The following SLC25A21 variants were observed in gnomAD, a reference collection of about 807,000 sequenced individuals.
SLC25A21 encodes the protein solute carrier family 25 member 21, also known as mitochondrial 2-oxodicarboxylate carrier.
A neutral mutation model predicts 43.8 loss-of-function variants in SLC25A21; 47 were observed. That is an observed-to-expected ratio of 1.07 (90% CI 0.85 to 1.37). SLC25A21 has a LOEUF of 1.37. Among genes scored for constraint, SLC25A21 ranks in the 40% most tolerant of loss-of-function variants. The pLI is 0.00. For synonymous variants in SLC25A21, 131 were observed against 121.3 expected (o/e 1.08, Z -0.52); for missense variants, 352 against 350.2 (o/e 1.00, Z -0.04).
At chr14:36,762,127 T>C (rs1886180335) in intron 3 of SLC25A21, among the ~76,000 whole-genome samples, 1 of 152,218 alleles carries the variant, frequency 6.6e-6, no homozygotes, top group African/African-American at 2.4e-5. Context: ...TAGCCAGACC[T>C]CTTATGGAAG....
At chr14:36,852,408 C>A (rs1411689498) in intron 2 of SLC25A21, among the ~76,000 whole-genome samples, 1 of 152,102 alleles carries the variant, frequency 6.6e-6, no homozygotes, top group African/African-American at 2.4e-5. Context: ...TGTCCTGTGC[C>A]CTGTTCACAC....
At chr14:37,087,026 A>T (rs1782909285) in intron 1 of SLC25A21, among the ~76,000 whole-genome samples, 1 of 152,212 alleles carries the variant, frequency 6.6e-6, no homozygotes, top group Non-Finnish European at 1.5e-5. Context: ...TTGTTTTCTT[A>T]TACTGTTGTA....
chr14:36,732,254 A>G (rs1384020646), intron 4 of SLC25A21, among the ~76,000 whole-genome samples: 1 of 151,820 alleles, frequency 6.6e-6, no homozygotes, highest in Non-Finnish European at 1.5e-5. Flanking sequence ...TATGATTGGT[A>G]TAGGTATACT....
chr14:36,973,015 ATTTATTTATTTTATTTTAT>A (rs969371310), intron 1 of SLC25A21, among the ~76,000 whole-genome samples: 24 of 119,422 alleles, frequency 2.0e-4, no homozygotes, highest in African/African-American at 1.3e-3. Context: ...ATTTTTATTT[ATTTATTTATTTTATTTTAT>A]TTTATTTTAT....
intron 3 of SLC25A21, among the ~76,000 whole-genome samples, chr14:36,741,856 C>T (rs1566561592): frequency 1.3e-5 from 2 of 152,182 alleles, no homozygotes; most frequent in Admixed American, 1.3e-4. Flanking sequence ...AATTGGAAAG[C>T]ATTAACACGT....
intron 2 of SLC25A21, among the ~76,000 whole-genome samples, chr14:36,840,628 G>C (rs112628599): frequency 0.022 from 3,335 of 152,242 alleles, 124 homozygotes; most frequent in African/African-American, 0.076. Flanking sequence ...TGATAACATC[G>C]ATTTCCTTAG....
chr14:36,725,663 A>G lies in SLC25A21; in HGVS notation c.345T>C (p.Ala115=). Residue 115 remains alanine (A), a synonymous_variant, in exon 6 of 10, where the codon GCT becomes GCC. Transcript: ENST00000331299. Reference sequence around the variant, plus strand: ...CTTCTGTTAGTCCAGATCCCAATCCAGCAATGGCGAATGTCTAGAAAAATT... The same window carrying G: ...CTTCTGTTAGTCCAGATCCCAATCCGGCAATGGCGAATGTCTAGAAAAATT... ...SLSPALTFAI[A]GLGSGLTEAI... is the part of the protein sequence containing the mutation. 5 of 1,596,268 alleles carry G rather than the reference A, an allele frequency of 3.1e-6. No individual in the cohort carries two copies. The highest frequency in any genetic ancestry group is 4.3e-6 in the Non-Finnish European group (5 of 1,171,630).
chr14:36,756,140 AG>A (rs1181437147), intron 3 of SLC25A21, among the ~76,000 whole-genome samples: 2 of 152,174 alleles, frequency 1.3e-5, no homozygotes, highest in Admixed American at 6.5e-5. Flanking sequence ...CCAAAAGGAA[AG>A]GGGGCTTAAG....
At chr14:36,882,774 G>C (rs569323029) in intron 1 of SLC25A21, among the ~76,000 whole-genome samples, 2 of 151,216 alleles carry the variant, frequency 1.3e-5, no homozygotes, top group Non-Finnish European at 2.9e-5. Context: ...ATCTCTGCCT[G>C]GATATCTAGT....
chr14:36,773,660 C>T (rs1886709826), intron 3 of SLC25A21, among the ~76,000 whole-genome samples: 1 of 152,214 alleles, frequency 6.6e-6, no homozygotes, highest in South Asian at 2.1e-4. Context: ...TTACTATTTA[C>T]TGACTCACCA....
At chr14:36,816,779 C>T (rs1285774422) in intron 2 of SLC25A21, among the ~76,000 whole-genome samples, 1 of 152,164 alleles carries the variant, frequency 6.6e-6, no homozygotes, top group East Asian at 1.9e-4. Context: ...GCTGGGATTG[C>T]AGGCATGAGC....
chr14:36,795,635 T>C (rs2138409888), intron 3 of SLC25A21, among the ~76,000 whole-genome samples: 1 of 152,344 alleles, frequency 6.6e-6, no homozygotes, highest in South Asian at 2.1e-4. Flanking sequence ...TTTCTAATAC[T>C]GGGGCTACTG....
At chr14:36,680,834 G>T in intron 9 of SLC25A21, 115 bp from the exon 10 acceptor site, 2 of 800,416 alleles carry the variant, frequency 2.5e-6, no homozygotes, top group Non-Finnish European at 3.9e-6. Flanking sequence ...AGGCTGTTCG[G>T]AATCAACAGT....
intron 1 of SLC25A21, among the ~76,000 whole-genome samples, chr14:36,930,669 A>G (rs1020956179): frequency 6.6e-6 from 1 of 152,138 alleles, no homozygotes; most frequent in Non-Finnish European, 1.5e-5. Flanking sequence ...ATCTTTTCAC[A>G]GCACATTCAA....
intron 1 of SLC25A21, among the ~76,000 whole-genome samples, chr14:36,879,084 T>C (rs1890632595): frequency 6.6e-6 from 1 of 152,194 alleles, no homozygotes; most frequent in Admixed American, 6.5e-5. Context: ...TGTTTGATCT[T>C]AAAACCAGAA....
chr14:36,810,124 T>G (rs1749936), intron 3 of SLC25A21, among the ~76,000 whole-genome samples: 60,354 of 152,032 alleles, frequency 0.4, 12,462 homozygotes, highest in East Asian at 0.69. Flanking sequence ...TCTCTAAGAC[T>G]AGAGCTCTTT....
intron 1 of SLC25A21, among the ~76,000 whole-genome samples, chr14:37,029,716 T>C (rs1231782728): frequency 1.3e-5 from 2 of 151,404 alleles, no homozygotes; most frequent in Non-Finnish European, 2.9e-5. Context: ...AAAACTGGTA[T>C]ATAGCTTTTG....
chr14:37,106,546 T>G lies in SLC25A21; in HGVS notation c.70+65735A>C, dbSNP rs548735088. ...TCTCTGACCTTAAAAAACAACCCTGTTTTCTGTTGTTTAAGATGTTTATCA... is the reference window on the plus strand; with the variant it reads ...TCTCTGACCTTAAAAAACAACCCTGGTTTCTGTTGTTTAAGATGTTTATCA... On this transcript the variant is annotated intron_variant, in intron 1 of 9. Transcript: ENST00000331299. 3.3e-5 allele frequency among the ~76,000 whole-genome samples: 5 copies of G among 152,188 alleles called. No homozygotes were observed. In the South Asian group the frequency reaches 1.0e-3, roughly 32 times the overall value.
intron 1 of SLC25A21, among the ~76,000 whole-genome samples, chr14:37,161,981 A>T (rs2138950010): frequency 7.3e-6 from 1 of 136,650 alleles, no homozygotes; most frequent in Admixed American, 7.2e-5. Flanking sequence ...AAAAAAAAAA[A>T]AAGAAATCTA....
Sources: gnomAD v4.1 joint callset for allele counts (sites outside exome capture counted in the v4.1 genomes callset) on GRCh38, gnomAD v4.1.1 for gene constraint, MANE v1.5 for transcripts, NCBI Gene and HGNC (gene_info 2026-07-23, HGNC 2026-07-21) for gene names.